Variants in LONP2 observed in about 807,000 individuals in gnomAD.
The protein encoded by LONP2 is lon peptidase 2, peroxisomal, also known as lon protease homolog 2, peroxisomal.
Under a neutral mutation model 85.6 loss-of-function variants are expected in LONP2, and 60 were observed. The ratio of observed to expected loss-of-function variants is 0.70; its 90% confidence interval spans 0.57 to 0.87. The LOEUF (loss-of-function observed/expected upper bound fraction) is 0.87. Among genes scored for constraint, LONP2 ranks in the 40% least tolerant of loss-of-function variants. LONP2 has a pLI of 0.00. For synonymous variants in LONP2, 395 were observed against 389.7 expected (o/e 1.01, Z -0.16); for missense variants, 860 against 1,063.5 (o/e 0.81, Z 2.66).
chr16:48,353,693 A>G lies in LONP2; in HGVS notation c.*1891A>G, dbSNP rs1241921602. The G allele has an allele frequency of 1.3e-5, 2 of 152,062 alleles. No homozygotes were observed. The highest frequency in any genetic ancestry group is 4.8e-5 in the African/African-American group (2 of 41,404). 9.4% of individuals were successfully genotyped at this position (152,062 alleles called of 1,614,324 possible). On this transcript the variant is annotated 3_prime_UTR_variant, in exon 15 of 15. Transcript: ENST00000285737. ...AACTACTGTAATTTTATCATTTCCA[A>G]CGTCATCTAACTGGGGACTAGAACA...
At chr16:48,318,042 A>G (rs1391439765) in intron 11 of LONP2, among the ~76,000 whole-genome samples, 1 of 151,748 alleles carries the variant, frequency 6.6e-6, no homozygotes, top group Admixed American at 6.6e-5. Context: ...ATTATGTGGT[A>G]CTCCCGGGAT....
At chr16:48,288,505 T>C (rs1320511830) in intron 8 of LONP2, among the ~76,000 whole-genome samples, 1 of 152,184 alleles carries the variant, frequency 6.6e-6, no homozygotes, top group Non-Finnish European at 1.5e-5. Flanking sequence ...TACCACAGAC[T>C]GGGTAGCTTT....
At chr16:48,332,632 AC>A (rs1353013595) in intron 11 of LONP2, among the ~76,000 whole-genome samples, 1 of 151,708 alleles carries the variant, frequency 6.6e-6, no homozygotes, top group African/African-American at 2.4e-5. Flanking sequence ...AATCGCTTGA[AC>A]CCAGGAGGTG....
intron 14 of LONP2, among the ~76,000 whole-genome samples, chr16:48,351,095 C>T (rs1960129723): frequency 6.6e-6 from 1 of 152,154 alleles, no homozygotes; most frequent in African/African-American, 2.4e-5. Context: ...TTGAAAGCCA[C>T]CATAGGAGCC....
chr16:48,351,536 T>C (rs1156868985), intron 14 of LONP2, 45 bp from the exon 15 acceptor site: 2 of 1,520,366 alleles, frequency 1.3e-6, no homozygotes, highest in Middle Eastern at 1.7e-4. Context: ...TTCTTTCAGC[T>C]TGAGGGTGAT....
In LONP2 at chr16:48,357,302, TTTTG is replaced by T. The variant is rs1960411665; in HGVS notation, c.*5505_*5508del. The T allele has an allele frequency of 6.6e-6, 1 of 152,224 alleles. No individual in the cohort carries two copies. The highest frequency in any genetic ancestry group is 1.5e-5 in the Non-Finnish European group (1 of 68,048). 9.4% of individuals were successfully genotyped at this position (152,224 alleles called of 1,614,324 possible). ...ATCTTAGTAGATGCTTGATAAGGAATTTTGTTTGGATGGTGCCATTTTTAGATAA... is the reference window on the plus strand; with the variant it reads ...ATCTTAGTAGATGCTTGATAAGGAATTTTGGATGGTGCCATTTTTAGATAA... On this transcript the variant is annotated 3_prime_UTR_variant, in exon 15 of 15. Coordinates refer to ENST00000285737, the MANE Select transcript of LONP2 (RefSeq NM_031490.5).
intron 11 of LONP2, among the ~76,000 whole-genome samples, chr16:48,323,672 A>C (rs1304313012): frequency 6.6e-6 from 1 of 151,854 alleles, no homozygotes; most frequent in Non-Finnish European, 1.5e-5. Context: ...AAAAAAAAAA[A>C]CAACTAAAAT....
chr16:48,347,748 C>T (rs758866912), intron 13 of LONP2, 34 bp downstream of exon 13: 2 of 1,585,254 alleles, frequency 1.3e-6, no homozygotes, highest in Admixed American at 3.5e-5. Flanking sequence ...CAGGCGTGAC[C>T]CAGGAGGCGG....
At chr16:48,270,473 T>A (rs1373106828) in intron 7 of LONP2, among the ~76,000 whole-genome samples, 199 bp downstream of exon 7, 1 of 152,208 alleles carries the variant, frequency 6.6e-6, no homozygotes, top group African/African-American at 2.4e-5. Context: ...TAACCTTGAT[T>A]TGTATGACAG....
intron 11 of LONP2, among the ~76,000 whole-genome samples, chr16:48,310,084 T>C (rs1972998439): frequency 6.6e-6 from 1 of 152,142 alleles, no homozygotes; most frequent in African/African-American, 2.4e-5. Flanking sequence ...CTATTGTTGA[T>C]TTAAAGTCTG....
Position 48,334,346 on chromosome 16 carries a change from G to A in LONP2, c.1926G>A (p.Met642Ile), listed in dbSNP as rs776532919. ...TGAAAGACATCCTTGGGCCCCCGAT[G>A]TATGAAATGGAGGTGATTCATTCTT... is the stretch of plus-strand genomic sequence containing the variant. The part of the protein sequence containing the change: ...HALKDILGPP[M>I]YEMEVSQRLS... Residue 642 changes from methionine (M) to isoleucine (I), a missense_variant, in exon 12 of 15, where the codon ATG becomes ATA. By Grantham distance (10) the Met-to-Ile change is conservative. Coordinates refer to ENST00000285737, the MANE Select transcript of LONP2 (RefSeq NM_031490.5). 6 of 1,614,152 alleles carry A rather than the reference G, an allele frequency of 3.7e-6. No homozygotes were observed. In the East Asian group the frequency reaches 1.1e-4, roughly 30 times the overall value.
intron 12 of LONP2, among the ~76,000 whole-genome samples, chr16:48,337,306 C>T (rs879467075): frequency 1.1e-4 from 16 of 152,144 alleles, no homozygotes; most frequent in African/African-American, 2.4e-4. Flanking sequence ...TGCTCTACAT[C>T]AGATTCTCAT....
At chr16:48,248,231 C>T (rs1291040940) in intron 1 of LONP2, among the ~76,000 whole-genome samples, 2 of 152,066 alleles carry the variant, frequency 1.3e-5, no homozygotes, top group South Asian at 2.1e-4. Context: ...AAGTGATCCT[C>T]TCACCTCAGC....
chr16:48,303,829 G>A (rs533588220), intron 11 of LONP2, among the ~76,000 whole-genome samples: 2 of 152,286 alleles, frequency 1.3e-5, no homozygotes, highest in South Asian at 4.1e-4. Flanking sequence ...ATATTCGAGG[G>A]CAAGAAGCAT....
At position 48,351,573 on chromosome 16, in the gene LONP2, C is replaced by A. The variant is rs759030097; in HGVS notation, c.2338-8C>A. 3.4e-5 allele frequency: 55 copies of A among 1,611,764 alleles called. No individual in the cohort carries two copies. Among genetic ancestry groups the A allele is most frequent in the Non-Finnish European group, 4.7e-5 (55 of 1,178,898 alleles). ...ATTAACCCTAAAAACTTTTTTCTCT[C>A]CTTACAGGTGGGTGGAATTAAAGAC... On this transcript the variant is annotated splice_polypyrimidine_tract_variant and splice_region_variant and intron_variant, in intron 14 of 14. Coordinates refer to ENST00000285737, the MANE Select transcript of LONP2 (RefSeq NM_031490.5).
intron 6 of LONP2, among the ~76,000 whole-genome samples, chr16:48,264,278 T>C (rs1474788110): frequency 2.0e-5 from 3 of 152,164 alleles, no homozygotes; most frequent in Non-Finnish European, 4.4e-5. Context: ...CTATCTCACC[T>C]CTGCAATCTC....
At chr16:48,266,513 TTCCCC>T (rs1971993856) in intron 6 of LONP2, among the ~76,000 whole-genome samples, 1 of 152,056 alleles carries the variant, frequency 6.6e-6, no homozygotes, top group Non-Finnish European at 1.5e-5. Context: ...CCCTTCCTTC[TTCCCC>T]GCCCCTTTCC....
chr16:48,267,855 A>G (rs1356698837), intron 6 of LONP2, among the ~76,000 whole-genome samples: 5 of 152,148 alleles, frequency 3.3e-5, no homozygotes, highest in African/African-American at 1.2e-4. Flanking sequence ...ACCTCAAGTG[A>G]TCCTCCCACC....
chr16:48,342,365 T>G (rs1006311418), intron 12 of LONP2, among the ~76,000 whole-genome samples: 4 of 152,246 alleles, frequency 2.6e-5, no homozygotes, highest in African/African-American at 9.6e-5. Flanking sequence ...AATTAGCTGC[T>G]AGAACTGAGA....
Sources: allele counts gnomAD v4.1 joint callset (sites outside exome capture counted in the v4.1 genomes callset), GRCh38; gene constraint gnomAD v4.1.1; transcripts MANE v1.5; gene names NCBI Gene and HGNC (gene_info 2026-07-23, HGNC 2026-07-21).